Variants in TECPR2 observed in about 807,000 individuals in gnomAD.
The protein encoded by TECPR2 is tectonin beta-propeller repeat-containing protein 2.
In TECPR2, 65 loss-of-function variants were observed where a neutral mutation model predicts 138.1. The observed-to-expected ratio is 0.47, with a 90% CI of 0.39 to 0.58. The LOEUF (loss-of-function observed/expected upper bound fraction) is 0.58. Among genes scored for constraint, TECPR2 ranks in the 20% least tolerant of loss-of-function variants. The pLI, the probability that TECPR2 is intolerant of heterozygous loss-of-function variation, is 0.00. For missense variants in TECPR2, 1,553 were observed against 1,824.5 expected, an observed-to-expected ratio of 0.85 and a Z score of 2.71; for synonymous variants, 746 against 749.8, an observed-to-expected ratio of 0.99 and a Z score of 0.08.
chr14:102,449,872 G>T lies in TECPR2; in HGVS notation c.3316+3G>T. ...CGTCGCTAAGGGAAGTCTCATAGGTGGGTGAATTGCTGTAATTTTCACACT... is the reference window on the plus strand; with the variant it reads ...CGTCGCTAAGGGAAGTCTCATAGGTTGGTGAATTGCTGTAATTTTCACACT... On this transcript the variant is annotated splice_donor_region_variant and intron_variant, in intron 14 of 19. Transcript: ENST00000359520. 1 of 1,611,922 alleles carries T rather than the reference G, an allele frequency of 6.2e-7. No homozygotes were observed. The highest frequency in any genetic ancestry group is 1.1e-5 in the South Asian group (1 of 91,064).
At chr14:102,372,296 A>C (rs1305979272) in intron 1 of TECPR2, among the ~76,000 whole-genome samples, 9 of 143,962 alleles carry the variant, frequency 6.3e-5, no homozygotes, top group Non-Finnish European at 7.6e-5. Flanking sequence ...ATTGAGTTTC[A>C]CTCTTGTTGC....
chr14:102,452,677 C>A, intron 16 of TECPR2, 50 bp downstream of exon 16: 2 of 1,454,258 alleles, frequency 1.4e-6, no homozygotes, highest in Non-Finnish European at 9.4e-7. Context: ...TGCCCTAAAC[C>A]GGCATCACAA....
chr14:102,363,049 G>T lies in TECPR2; in HGVS notation c.-140G>T. ...GGAACAGGCTCCCGGCAGCCCCCGC[G>T]GCCCGGAGTCCATCCCGCCTCCTCC... On this transcript the variant is annotated 5_prime_UTR_variant, in exon 1 of 20. Transcript: ENST00000359520. 1 of 615,836 alleles carries T rather than the reference G, an allele frequency of 1.6e-6. No individual in the cohort carries two copies. Among genetic ancestry groups the T allele is most frequent in the East Asian group, 3.2e-5 (1 of 31,660 alleles). 38.1% of individuals were successfully genotyped at this position (615,836 alleles called of 1,614,324 possible).
chr14:102,389,405 G>T (rs1320519898), intron 2 of TECPR2, among the ~76,000 whole-genome samples: 1 of 152,160 alleles, frequency 6.6e-6, no homozygotes, highest in East Asian at 1.9e-4. Flanking sequence ...CATACTAGTG[G>T]AAAAGAGGAA....
intron 16 of TECPR2, among the ~76,000 whole-genome samples, chr14:102,463,404 GAGACTC>G (rs1890461322): frequency 8.1e-6 from 1 of 123,454 alleles, no homozygotes; most frequent in Admixed American, 9.9e-5. Context: ...GCGACAGAGC[GAGACTC>G]CGTCTCAAAA....
chr14:102,425,720 C>A (rs368555500), intron 6 of TECPR2, among the ~76,000 whole-genome samples: 1 of 149,562 alleles, frequency 6.7e-6, no homozygotes, highest in African/African-American at 2.5e-5. Flanking sequence ...GGATTACAGA[C>A]GCATGCCACC....
chr14:102,470,944 G>A (rs1352100665), intron 17 of TECPR2, among the ~76,000 whole-genome samples: 2 of 151,392 alleles, frequency 1.3e-5, no homozygotes, highest in African/African-American at 2.4e-5. Flanking sequence ...TCAGCCTCAC[G>A]AGTAGCTGGG....
chr14:102,421,955 G>A (rs1889195789), intron 5 of TECPR2, among the ~76,000 whole-genome samples: 1 of 152,168 alleles, frequency 6.6e-6, no homozygotes, highest in Admixed American at 6.5e-5. Flanking sequence ...CCAGGCATAG[G>A]GCTGAACTGA....
At chr14:102,428,456 ATAAT>A in intron 7 of TECPR2, 74 bp downstream of exon 7, 1 of 1,583,614 alleles carries the variant, frequency 6.3e-7, no homozygotes, top group South Asian at 1.2e-5. Context: ...ATTGCAGTTA[ATAAT>A]TGATCAAACT....
chr14:102,438,850 TC>T (rs1889752548), intron 10 of TECPR2, among the ~76,000 whole-genome samples: 1 of 151,052 alleles, frequency 6.6e-6, no homozygotes, highest in Non-Finnish European at 1.5e-5. Flanking sequence ...GCTTGCTTTT[TC>T]TTTCTTTCTT....
intron 16 of TECPR2, among the ~76,000 whole-genome samples, chr14:102,462,824 G>A (rs531523651): frequency 6.6e-6 from 1 of 152,340 alleles, no homozygotes; most frequent in South Asian, 2.1e-4. Context: ...CAAAAGACTA[G>A]TACCTACAAT....
chr14:102,458,855 G>A (rs775642539), intron 16 of TECPR2, among the ~76,000 whole-genome samples: 2 of 150,984 alleles, frequency 1.3e-5, no homozygotes, highest in Non-Finnish European at 2.9e-5. Context: ...CACACCTGTT[G>A]TCCTAGCTAC....
intron 10 of TECPR2, 133 bp downstream of exon 10, chr14:102,438,338 A>G: frequency 8.4e-7 from 1 of 1,195,728 alleles, no homozygotes; most frequent in South Asian, 1.6e-5. Context: ...TGCGTTCACC[A>G]GGTTTGCCTC....
intron 17 of TECPR2, chr14:102,465,587 C>T: frequency 2.8e-6 from 3 of 1,074,370 alleles, no homozygotes; most frequent in Non-Finnish European, 3.4e-6. Flanking sequence ...TTTAAATCTG[C>T]CTATATATTG....
At chr14:102,483,611 T>G (rs1182217731) in intron 17 of TECPR2, among the ~76,000 whole-genome samples, 3 of 151,322 alleles carry the variant, frequency 2.0e-5, no homozygotes, top group Non-Finnish European at 4.4e-5. Flanking sequence ...CAGCTAATTT[T>G]TTTATTATTT....
At position 102,404,579 on chromosome 14, in the gene TECPR2, A is replaced by ATT. The variant is rs11410430; in HGVS notation, c.220-2745_220-2744dup. On this transcript the variant is annotated intron_variant, in intron 2 of 19. Transcript: ENST00000359520. The stretch of plus-strand genomic sequence containing the variant: ...AAACCCTCTTATATAGTCAAGTGAA[A>ATT]TTTTTTTTTTTTTTTGAGACAGACT... 2.3e-3 allele frequency among the ~76,000 whole-genome samples: 340 copies of ATT among 145,864 alleles called. 1 individual carries two copies. The highest frequency in any genetic ancestry group is 3.2e-3 in the African/African-American group (126 of 39,684).
intron 7 of TECPR2, 59 bp from the exon 8 acceptor site, chr14:102,431,737 A>C: frequency 1.4e-6 from 2 of 1,461,202 alleles, no homozygotes; most frequent in African/African-American, 1.4e-5. Context: ...AAACGTGGAT[A>C]AGTGCACATC....
At chr14:102,386,673 AT>A (rs1185895136) in intron 2 of TECPR2, among the ~76,000 whole-genome samples, 1 of 152,108 alleles carries the variant, frequency 6.6e-6, no homozygotes, top group Non-Finnish European at 1.5e-5. Context: ...GGAATTACGT[AT>A]TTTTTTAACT....
At chr14:102,395,427 A>G (rs1171845543) in intron 2 of TECPR2, among the ~76,000 whole-genome samples, 1 of 152,230 alleles carries the variant, frequency 6.6e-6, no homozygotes, top group South Asian at 2.1e-4. Context: ...CTGAATGAAT[A>G]CTTTCAAAAT....
Sources: allele counts gnomAD v4.1 joint callset (sites outside exome capture counted in the v4.1 genomes callset), GRCh38; gene constraint gnomAD v4.1.1; transcripts MANE v1.5; gene names NCBI Gene and HGNC (gene_info 2026-07-23, HGNC 2026-07-21).